The following UNKL variants were observed in gnomAD, a reference collection of about 807,000 sequenced individuals.
The protein encoded by UNKL is unk like zinc finger, also known as putative E3 ubiquitin-protein ligase UNKL.
Under a neutral mutation model 78.0 loss-of-function variants are expected in UNKL, and 60 were observed. The ratio of observed to expected loss-of-function variants is 0.77; its 90% CI spans 0.63 to 0.95. UNKL has a LOEUF of 0.95. UNKL is among the 40% of genes least tolerant of loss of function. UNKL has a pLI of 0.00. For missense variants in UNKL, 1,159 were observed against 1,045.7 expected (o/e 1.11, Z -1.49); for synonymous variants, 608 against 474.8 (o/e 1.28, Z -3.65).
At chr16:1,388,145 G>C (rs2142107108) in intron 9 of UNKL, among the ~76,000 whole-genome samples, 1 of 152,288 alleles carries the variant, frequency 6.6e-6, no homozygotes, top group East Asian at 1.9e-4. Flanking sequence ...CGACGCTGGG[G>C]TTTGCAGAGC....
intron 5 of UNKL, among the ~76,000 whole-genome samples, chr16:1,397,532 C>T (rs1488752647): frequency 2.3e-5 from 1 of 43,784 alleles, no homozygotes; most frequent in African/African-American, 9.5e-5. Context: ...GACCCCCGTG[C>T]TTCACGCTGG....
intron 10 of UNKL, among the ~76,000 whole-genome samples, chr16:1,374,830 G>A (rs2036093316): frequency 2.0e-5 from 3 of 152,172 alleles, no homozygotes; most frequent in Non-Finnish European, 2.9e-5. Context: ...GCCGCAGAGG[G>A]ACAAAACCCC....
In UNKL at chr16:1,401,694, G is replaced by T. The variant is rs754124373; in HGVS notation, c.472C>A (p.Gln158Lys). 2.1e-5 allele frequency: 34 copies of T among 1,608,964 alleles called. No individual in the cohort carries two copies. The highest frequency in any genetic ancestry group is 2.8e-5 in the Non-Finnish European group (33 of 1,178,486). ...RPPVCDVRELQAQEALQNGQL... is the reference protein window; with the variant it reads ...RPPVCDVRELKAQEALQNGQL... ...CCGTTCTGCAAGGCTTCCTGGGCCT[G>T]CAGCTCCCTGCAAGCCGAGGACACA... Residue 158 changes from glutamine to lysine, a missense_variant, in exon 4 of 15, where the codon CAG becomes AAG. Coordinates refer to ENST00000389221, the MANE Select transcript of UNKL (RefSeq NM_001372107.1).
intron 1 of UNKL, among the ~76,000 whole-genome samples, 197 bp downstream of exon 1, chr16:1,414,418 G>T (rs2038186014): frequency 6.6e-6 from 1 of 151,950 alleles, no homozygotes; most frequent in Non-Finnish European, 1.5e-5. Context: ...CCGGAACCAG[G>T]TGCCATCCCA....
At chr16:1,404,679 G>A (rs763613888) in intron 2 of UNKL, among the ~76,000 whole-genome samples, 19 of 152,202 alleles carry the variant, frequency 1.2e-4, no homozygotes, top group South Asian at 2.1e-4. Context: ...TCACAGCAGC[G>A]TCATTCGCAA....
chr16:1,398,974 A>G (rs778416624), intron 5 of UNKL: 212 of 1,505,066 alleles, frequency 1.4e-4, no homozygotes, highest in Non-Finnish European at 1.8e-4. Flanking sequence ...AGGTGACGAC[A>G]GTGCCTGAGC....
rs774705205 is a variant in UNKL, at chr16:1,403,354, A to C, written c.288-10T>G. 1.2e-5 allele frequency: 20 copies of C among 1,613,434 alleles called. No homozygotes were observed. The South Asian group carries it at 2.2e-4, about 18-fold the overall frequency. On this transcript the variant is annotated splice_polypyrimidine_tract_variant and intron_variant, in intron 2 of 14. Transcript: ENST00000389221. This position sits in a 1 kb window ranked among gnomAD's most constrained non-coding sequence, Gnocchi z 4.8. ...GTGCAGGTAGGGACACCTGGGGAGCAGAGAGGCACGCAATGCCTGGTTATC... is the reference window on the plus strand; with the variant it reads ...GTGCAGGTAGGGACACCTGGGGAGCCGAGAGGCACGCAATGCCTGGTTATC...
At position 1,385,399 on chromosome 16, in the gene UNKL, T is replaced by A. The variant is rs1266084485; in HGVS notation, c.1087-14A>T. ...GGCCAGGTGGTTCTGTTCAAAGACA[T>A]AAACACCGTGAGCGCGCACCCCCTG... On this transcript the variant is annotated splice_polypyrimidine_tract_variant and intron_variant, in intron 9 of 14. Coordinates refer to ENST00000389221, the MANE Select transcript of UNKL (RefSeq NM_001372107.1). 4 of 1,354,726 alleles carry A rather than the reference T, an allele frequency of 3.0e-6. No individual in the cohort carries two copies. Among genetic ancestry groups the A allele is most frequent in the Non-Finnish European group, 3.8e-6 (4 of 1,054,192 alleles). 83.9% of individuals were successfully genotyped at this position (1,354,726 alleles called of 1,614,324 possible). A position where few individuals can be genotyped will look rare whatever the true frequency, so the allele number is the denominator to read the frequency against.
intron 2 of UNKL, among the ~76,000 whole-genome samples, chr16:1,405,433 C>G (rs752431062): frequency 7.2e-5 from 11 of 151,832 alleles, no homozygotes; most frequent in Non-Finnish European, 1.3e-4. Flanking sequence ...AAAATTTAGC[C>G]GGGCATGATA....
At position 1,367,721 on chromosome 16, in the gene UNKL, G is replaced by C; in HGVS notation, c.1723C>G (p.Arg575Gly). 6.3e-7 allele frequency: 1 copy of C among 1,579,872 alleles called. No homozygotes were observed. Among genetic ancestry groups the C allele is most frequent in the Non-Finnish European group, 8.6e-7 (1 of 1,163,922 alleles). The change falls in exon 13 of 15, where the codon CGG becomes GGG. Residue 575 changes from arginine to glycine, a missense_variant. Physicochemically the swap from Arg to Gly is moderately radical, Grantham distance 125. Coordinates refer to ENST00000389221, the MANE Select transcript of UNKL (RefSeq NM_001372107.1). ...PNGAELARVRRQLDEAKRKIR... is the reference protein window; with the variant it reads ...PNGAELARVRGQLDEAKRKIR... ...TTCCTCTTGGCCTCGTCCAGCTGCC[G>C]CCTGACCCGGGCCAGCTCAGCTCCG...
Position 1,413,878 on chromosome 16 carries a change from G to A in UNKL, c.255C>T (p.Asn85=), listed in dbSNP as rs1189803823. The A allele has an allele frequency of 1.3e-6, 2 of 1,538,370 alleles. No individual in the cohort carries two copies. Among genetic ancestry groups the A allele is most frequent in the East Asian group, 2.5e-5 (1 of 40,624 alleles). The change falls in exon 2 of 15, where the codon AAC becomes AAT. Residue 85 remains asparagine (N), a synonymous_variant. Transcript: ENST00000389221. ...YSPDVYCSKY[N]EATGVCPDGD... is the part of the protein sequence containing the mutation. Reference sequence around the variant, plus strand: ...CGTCGGGGCACACGCCGGTGGCTTCGTTGTACTTGGAGCAGTACACGTCGG... The same window carrying A: ...CGTCGGGGCACACGCCGGTGGCTTCATTGTACTTGGAGCAGTACACGTCGG...
At chr16:1,406,253 C>T (rs1358004201) in intron 2 of UNKL, among the ~76,000 whole-genome samples, 1 of 150,444 alleles carries the variant, frequency 6.6e-6, no homozygotes, top group Admixed American at 6.6e-5. Flanking sequence ...CTCACTGTTG[C>T]CCAGGCCGGA....
At chr16:1,408,137 G>A (rs370061682) in intron 2 of UNKL, among the ~76,000 whole-genome samples, 1 of 152,210 alleles carries the variant, frequency 6.6e-6, no homozygotes, top group Non-Finnish European at 1.5e-5. Context: ...GGACCCTGGA[G>A]AGGCCCGGGG....
intron 12 of UNKL, among the ~76,000 whole-genome samples, chr16:1,369,521 C>T (rs893614956): frequency 1.6e-4 from 25 of 152,130 alleles, no homozygotes; most frequent in Admixed American, 1.6e-3. Context: ...AGGCATGCAC[C>T]ACCACACCCG....
At chr16:1,375,373 C>G (rs2036140769) in intron 10 of UNKL, among the ~76,000 whole-genome samples, 1 of 152,194 alleles carries the variant, frequency 6.6e-6, no homozygotes, top group African/African-American at 2.4e-5. Context: ...AGAGGCCACC[C>G]CCACCCCACT....
chr16:1,396,194 A>C (rs908267992), intron 6 of UNKL, among the ~76,000 whole-genome samples: 7 of 144,078 alleles, frequency 4.9e-5, no homozygotes, highest in African/African-American at 1.8e-4. Context: ...TGCCCACCTC[A>C]GCCTTCCAAA....
At position 1,397,244 on chromosome 16, in the gene UNKL, T is replaced by C; in HGVS notation, c.786A>G (p.Ser262=). The change falls in exon 6 of 15, where the codon TCA becomes TCG. Residue 262 remains serine (S), a synonymous_variant. Coordinates refer to ENST00000389221, the MANE Select transcript of UNKL (RefSeq NM_001372107.1). ...VKHGDEWGEP[S]RCDGGDGCQY... The stretch of plus-strand genomic sequence containing the variant: ...GGCAGCCGTCGCCGCCATCGCAGCG[T>C]GAGGGTTCCCCCCACTCATCCCCGT... 2.6e-6 allele frequency: 4 copies of C among 1,543,112 alleles called. No homozygotes were observed. In the South Asian group the frequency reaches 3.6e-5, roughly 14 times the overall value.
chr16:1,412,543 G>A (rs2038087022), intron 2 of UNKL, among the ~76,000 whole-genome samples: 1 of 152,242 alleles, frequency 6.6e-6, no homozygotes, highest in South Asian at 2.1e-4. Context: ...GCACAAGGCA[G>A]AGGTTGCCGT....
intron 6 of UNKL, 132 bp from the exon 7 acceptor site, chr16:1,394,347 G>C (rs1009477766): frequency 2.7e-6 from 3 of 1,093,864 alleles, no homozygotes; most frequent in Non-Finnish European, 4.1e-6. Flanking sequence ...GGGGGGCGTG[G>C]GCCCTGCCCT....
Sources: gnomAD v4.1 joint callset for allele counts (sites outside exome capture counted in the v4.1 genomes callset) on GRCh38, gnomAD v4.1.1 for gene constraint, Gnocchi (gnomAD v3.1) non-coding constraint, MANE v1.5 for transcripts, NCBI Gene and HGNC (gene_info 2026-07-23, HGNC 2026-07-21) for gene names.